The following SLC6A9 variants were observed in gnomAD, a reference collection of about 807,000 sequenced individuals.
The protein encoded by SLC6A9 is sodium- and chloride-dependent glycine transporter 1.
SLC6A9 carries 31 observed loss-of-function variants against 70.9 expected under a neutral mutation model. That is an observed-to-expected ratio of 0.44 (90% confidence interval 0.33 to 0.59). SLC6A9 has a LOEUF of 0.59. SLC6A9 is among the 20% of genes least tolerant of loss of function. The pLI, the probability that SLC6A9 is intolerant of heterozygous loss-of-function variation, is 0.04. For missense variants in SLC6A9, 631 were observed against 845.2 expected (o/e 0.75, Z 3.14); for synonymous variants, 310 against 341.3 (o/e 0.91, Z 1.01).
At chr1:44,006,228 G>A (rs1055823531) in intron 5 of SLC6A9, among the ~76,000 whole-genome samples, 11 of 152,126 alleles carry the variant, frequency 7.2e-5, no homozygotes, top group African/African-American at 2.2e-4. Context: ...CGGCAGCTCC[G>A]TGAGGACAAT....
chr1:44,001,331 C>A, intron 9 of SLC6A9, 33 bp from the exon 10 acceptor site: 1 of 1,613,994 alleles, frequency 6.2e-7, no homozygotes. Context: ...CGGAGACCTG[C>A]CCCTTGTTCC....
At chr1:44,015,784 C>T (rs2086719474) in intron 2 of SLC6A9, 1 of 872,412 alleles carries the variant, frequency 1.1e-6, no homozygotes, top group Non-Finnish European at 1.4e-6. Flanking sequence ...AGAGACCCAG[C>T]TGCAGCTCTG....
At chr1:44,015,349 T>A (rs921341443) in intron 2 of SLC6A9, among the ~76,000 whole-genome samples, 2 of 152,084 alleles carry the variant, frequency 1.3e-5, no homozygotes, top group African/African-American at 4.8e-5. Context: ...AATTGTGAGC[T>A]TCCCCCTCCT....
intron 1 of SLC6A9, among the ~76,000 whole-genome samples, chr1:44,030,735 G>A (rs1439760629): frequency 1.3e-5 from 2 of 152,214 alleles, no homozygotes; most frequent in Non-Finnish European, 2.9e-5. Flanking sequence ...CACGGGCACT[G>A]GAACCGGCAC....
At chr1:44,026,966 G>A (rs2086993825) in intron 1 of SLC6A9, among the ~76,000 whole-genome samples, 1 of 152,214 alleles carries the variant, frequency 6.6e-6, no homozygotes, top group Non-Finnish European at 1.5e-5. Context: ...TGGACTGGAG[G>A]GAAAAGACTG....
chr1:44,023,149 G>A (rs2086917812), intron 2 of SLC6A9, among the ~76,000 whole-genome samples: 1 of 152,178 alleles, frequency 6.6e-6, no homozygotes, highest in Admixed American at 6.5e-5. Flanking sequence ...TTGAAAGGAT[G>A]GGAGCTGCTG....
chr1:44,008,781 G>A (rs1257859812), intron 4 of SLC6A9, among the ~76,000 whole-genome samples, 158 bp from the exon 5 acceptor site: 2 of 150,490 alleles, frequency 1.3e-5, no homozygotes, highest in African/African-American at 2.4e-5. Flanking sequence ...GTGCAGTGGC[G>A]GAATCTTGGC....
chr1:43,997,974 A>G lies in SLC6A9; in HGVS notation c.1588T>C (p.Tyr530His). 1 of 1,614,104 alleles carries G rather than the reference A, an allele frequency of 6.2e-7. No homozygotes were observed. Among genetic ancestry groups the G allele is most frequent in the Non-Finnish European group, 8.5e-7 (1 of 1,179,986 alleles). ...GCCACGGCCCAGCCTGGGTACTGGT[A>G]GTGGTTGTAGGTGATCGGCTGGTAC... ...IQYQPITYNH[Y>H]QYPGWAVAIG... Residue 530 changes from tyrosine (Y) to histidine (H), a missense_variant, in exon 13 of 14, where the codon TAC (tyrosine) becomes CAC (histidine). By Grantham distance (83) the Tyr-to-His change is moderately conservative. Transcript: ENST00000372310. The surrounding 1 kb of genome is among the most constrained non-coding windows in gnomAD (Gnocchi z 4.4).
chr1:44,001,879 C>T lies in SLC6A9; in HGVS notation c.963-252G>A, dbSNP rs550488938. 5.3e-5 allele frequency among the ~76,000 whole-genome samples: 8 copies of T among 152,266 alleles called. No homozygotes were observed. The East Asian group carries it at 1.5e-3, about 29-fold the overall frequency. On this transcript the variant is annotated intron_variant, in intron 8 of 13. Transcript: ENST00000372310. ...AGTAGCTGGGACTACAGGTGTGTGC[C>T]ACCACACCCAGCTAATTTTCTTTTT...
At chr1:44,017,274 G>A in intron 2 of SLC6A9, 1 of 1,491,612 alleles carries the variant, frequency 6.7e-7, no homozygotes, top group Non-Finnish European at 8.9e-7. Flanking sequence ...CCTCCGGCCA[G>A]TCCCCATGCA....
At chr1:44,016,728 G>A (rs2086757064) in intron 2 of SLC6A9, among the ~76,000 whole-genome samples, 2 of 152,090 alleles carry the variant, frequency 1.3e-5, no homozygotes, top group Non-Finnish European at 2.9e-5. Context: ...CAATTCCTGG[G>A]CACCTCCGGC....
At chr1:44,007,610 G>A (rs1207547447) in intron 5 of SLC6A9, among the ~76,000 whole-genome samples, 1 of 152,186 alleles carries the variant, frequency 6.6e-6, no homozygotes, top group Non-Finnish European at 1.5e-5. Context: ...CCTAATCCTG[G>A]CAAGTTCTTT....
chr1:44,009,501 G>A (rs934852809), intron 4 of SLC6A9, among the ~76,000 whole-genome samples: 11 of 152,158 alleles, frequency 7.2e-5, no homozygotes, highest in African/African-American at 2.7e-4. Flanking sequence ...GGGATTACAG[G>A]GGTAAGCCAC....
At chr1:44,017,042 C>T (rs1300583875) in intron 2 of SLC6A9, 4 of 1,577,162 alleles carry the variant, frequency 2.5e-6, no homozygotes, top group Admixed American at 3.9e-5. Context: ...TGGAAGGTGA[C>T]TGACCTGTTC....
rs1268556663 is a variant in SLC6A9, at chr1:44,009,824, G to C, written c.319+141C>G. 6.1e-6 allele frequency: 6 copies of C among 989,110 alleles called. No individual in the cohort carries two copies. In the Admixed American group the frequency reaches 1.4e-4, roughly 23 times the overall value. 61.3% of individuals were successfully genotyped at this position (989,110 alleles called of 1,614,324 possible). A position where few individuals can be genotyped will look rare whatever the true frequency, so the allele number is the denominator to read the frequency against. On this transcript the variant is annotated intron_variant, in intron 4 of 13. Transcript: ENST00000372310. ...GGTCCCAGCATGCATCCATGGCTTAGGCCGTTGATGTGGGGCTTGGGGTCA... is the reference window on the plus strand; with the variant it reads ...GGTCCCAGCATGCATCCATGGCTTACGCCGTTGATGTGGGGCTTGGGGTCA...
In SLC6A9 at chr1:43,997,880, C is replaced by T. The variant is rs780357551; in HGVS notation, c.1682G>A (p.Arg561His). 12 of 1,612,536 alleles carry T rather than the reference C, an allele frequency of 7.4e-6. No individual in the cohort carries two copies. Among genetic ancestry groups the T allele is most frequent in the East Asian group, 4.5e-5 (2 of 44,888 alleles). Residue 561 changes from arginine (R) to histidine (H), a missense_variant, in exon 13 of 14, where the codon CGC (arginine) becomes CAC (histidine). Transcript: ENST00000372310. The surrounding 1 kb of genome is among the most constrained non-coding windows in gnomAD (Gnocchi z 4.4). ...CTGGAGGAGGGTGTCCCCGTCTGTG[C>T]GGCAGAGCCGGAACATGGCGTAGAG... ...IPLYAMFRLC[R>H]TDGDTLLQRL...
At chr1:44,021,520 C>T (rs2086883868) in intron 2 of SLC6A9, among the ~76,000 whole-genome samples, 1 of 152,220 alleles carries the variant, frequency 6.6e-6, no homozygotes, top group South Asian at 2.1e-4. Flanking sequence ...GGGCCAGTGT[C>T]CTCACACCCA....
chr1:43,999,898 C>T (rs959641571), intron 12 of SLC6A9, among the ~76,000 whole-genome samples: 17 of 152,218 alleles, frequency 1.1e-4, no homozygotes, highest in African/African-American at 2.7e-4. Flanking sequence ...TCAATACCTG[C>T]CTTCCCCGAA....
Position 44,010,092 on chromosome 1 carries a change from G to A in SLC6A9, c.192C>T (p.Ala64=), listed in dbSNP as rs568272459. ...PYLCYRNGGG[A]FMFPYFIMLI... ...GCATGATGAAGTAGGGGAACATGAA[G>A]GCGCCTGGTAGGCAGGGAGAGGTCT... The change falls in exon 4 of 14, where the codon GCC becomes GCT. Residue 64 remains alanine (A), a synonymous_variant. Coordinates refer to ENST00000372310, the MANE Select transcript of SLC6A9 (RefSeq NM_001024845.3). 3.7e-6 allele frequency: 6 copies of A among 1,613,910 alleles called. No individual in the cohort carries two copies. The African/African-American group carries it at 8.0e-5, about 22-fold the overall frequency.
Sources: allele counts gnomAD v4.1 joint callset (sites outside exome capture counted in the v4.1 genomes callset), GRCh38; gene constraint gnomAD v4.1.1; non-coding constraint Gnocchi (gnomAD v3.1); transcripts MANE v1.5; gene names NCBI Gene and HGNC (gene_info 2026-07-23, HGNC 2026-07-21).